The following RPGRIP1L variants were observed in gnomAD, a reference collection of about 807,000 sequenced individuals.
RPGRIP1L encodes RPGRIP1 like.
RPGRIP1L carries 131 observed loss-of-function variants against 160.4 expected under a neutral mutation model. The observed-to-expected ratio is 0.82, with a 90% CI of 0.71 to 0.94. The LOEUF (loss-of-function observed/expected upper bound fraction) is 0.94, where lower values mean the gene tolerates loss of function less well. RPGRIP1L is among the 40% of genes least tolerant of loss of function. The pLI, the probability that RPGRIP1L is intolerant of heterozygous loss-of-function variation, is 0.00. For missense variants in RPGRIP1L, 1,522 were observed against 1,535.8 expected, an observed-to-expected ratio of 0.99 and a Z score of 0.15; for synonymous variants, 510 against 515.8, an observed-to-expected ratio of 0.99 and a Z score of 0.15.
intron 24 of RPGRIP1L, among the ~76,000 whole-genome samples, chr16:53,613,653 T>C (rs752292727): frequency 2.6e-5 from 4 of 152,152 alleles, no homozygotes; most frequent in African/African-American, 9.7e-5. Flanking sequence ...ATCCTTACCA[T>C]TGAAATTGGT....
At chr16:53,676,622 G>C (rs1328534665) in intron 6 of RPGRIP1L, among the ~76,000 whole-genome samples, 1 of 151,768 alleles carries the variant, frequency 6.6e-6, no homozygotes, top group Non-Finnish European at 1.5e-5. Flanking sequence ...TTGTTTTAAA[G>C]TATGATAATT....
At chr16:53,618,030 A>G (rs570008005) in intron 24 of RPGRIP1L, among the ~76,000 whole-genome samples, 65 of 152,306 alleles carry the variant, frequency 4.3e-4, no homozygotes, top group Non-Finnish European at 7.1e-4. Context: ...TGGTAGCCTG[A>G]TATTATTTTT....
At chr16:53,675,976 C>A (rs569321114) in intron 6 of RPGRIP1L, among the ~76,000 whole-genome samples, 1 of 152,120 alleles carries the variant, frequency 6.6e-6, no homozygotes, top group Admixed American at 6.5e-5. Flanking sequence ...TTTCAGAGTT[C>A]ACTTTTAGGA....
At chr16:53,610,826 C>A in intron 25 of RPGRIP1L, 141 bp downstream of exon 25, 1 of 712,680 alleles carries the variant, frequency 1.4e-6, no homozygotes. Context: ...ACAGAGATCC[C>A]GTACTCATTC....
At chr16:53,696,439 C>T (rs774429734) in intron 2 of RPGRIP1L, 144 bp from the exon 3 acceptor site, 1 of 767,842 alleles carries the variant, frequency 1.3e-6, no homozygotes, top group East Asian at 2.6e-5. Context: ...AAATGTTGTA[C>T]CATTGTTTAC....
chr16:53,655,975 T>C (rs8055188), intron 14 of RPGRIP1L, among the ~76,000 whole-genome samples: 126,848 of 152,216 alleles, frequency 0.83, 52,945 homozygotes, highest in Admixed American at 0.86. Context: ...GGCATGGCAG[T>C]GGGCCTGAGC....
In RPGRIP1L at chr16:53,599,452, T is replaced by A. The variant is rs1963288784; in HGVS notation, c.*2624A>T. 1 of 152,220 alleles carries A rather than the reference T, an allele frequency of 6.6e-6. No individual in the cohort carries two copies. The highest frequency in any genetic ancestry group is 6.5e-5 in the Admixed American group (1 of 15,282). 9.4% of individuals were successfully genotyped at this position (152,220 alleles called of 1,614,324 possible). A position where few individuals can be genotyped will look rare whatever the true frequency, so the allele number is the denominator to read the frequency against. ...GTGGCTGGGAATTTGACATTTCTAC[T>A]ACAGTAGGCAAAAATACATGTAAAA... On this transcript the variant is annotated 3_prime_UTR_variant, in exon 27 of 27. Transcript: ENST00000647211.
At chr16:53,631,472 T>C (rs1236100942) in intron 22 of RPGRIP1L, among the ~76,000 whole-genome samples, 2 of 152,232 alleles carry the variant, frequency 1.3e-5, no homozygotes, top group South Asian at 4.1e-4. Flanking sequence ...TTCATGGCAA[T>C]ACATTTTGTT....
At chr16:53,702,557 T>C (rs534913589) in intron 1 of RPGRIP1L, among the ~76,000 whole-genome samples, 2 of 152,238 alleles carry the variant, frequency 1.3e-5, no homozygotes, top group African/African-American at 4.8e-5. Context: ...CTTGTCTTGC[T>C]CAAGGCCTTT....
intron 4 of RPGRIP1L, among the ~76,000 whole-genome samples, chr16:53,691,387 TTTAA>T (rs372514194): frequency 2.1e-3 from 324 of 152,330 alleles, no homozygotes; most frequent in African/African-American, 6.5e-3. Flanking sequence ...GTCTACACAA[TTTAA>T]TTACTTTGCA....
At chr16:53,691,964 C>T (rs764284084) in intron 4 of RPGRIP1L, 102 bp downstream of exon 4, 186 of 1,061,650 alleles carry the variant, frequency 1.8e-4, no homozygotes, top group Middle Eastern at 8.5e-4. Flanking sequence ...TTCCTAAAGA[C>T]ACTTAAAAGC....
Position 53,636,435 on chromosome 16 carries a change from T to C in RPGRIP1L, c.3294+4A>G. 4 of 1,600,136 alleles carry C rather than the reference T, an allele frequency of 2.5e-6. No individual in the cohort carries two copies. In the South Asian group the frequency reaches 4.4e-5, roughly 18 times the overall value. The stretch of plus-strand genomic sequence containing the variant: ...ACATTTCTAGTTGGCATCAAGTTAC[T>C]GACCTGTTTGATATTCTTGGAGATA... On this transcript the variant is annotated splice_donor_region_variant and intron_variant, in intron 22 of 26. Coordinates refer to ENST00000647211, the MANE Select transcript of RPGRIP1L (RefSeq NM_015272.5).
chr16:53,699,383 C>CAAAAAAAAAAAA (rs1351485923), intron 2 of RPGRIP1L, among the ~76,000 whole-genome samples: 1 of 32,020 alleles, frequency 3.1e-5, no homozygotes, highest in African/African-American at 1.6e-4. Flanking sequence ...CAAGAATGAT[C>CAAAAAAAAAAAA]AATAAAAAAA....
At chr16:53,611,101 G>C in intron 24 of RPGRIP1L, 50 bp from the exon 25 acceptor site, 1 of 1,204,270 alleles carries the variant, frequency 8.3e-7, no homozygotes, top group Non-Finnish European at 1.2e-6. Context: ...TCAGGAATAG[G>C]CTACATTAGT....
chr16:53,625,678 G>T (rs1309125831), intron 22 of RPGRIP1L, among the ~76,000 whole-genome samples: 2 of 152,220 alleles, frequency 1.3e-5, no homozygotes, highest in Non-Finnish European at 2.9e-5. Context: ...CCATGATGAG[G>T]ATGGCGGTTT....
At chr16:53,698,719 G>C (rs1971098376) in intron 2 of RPGRIP1L, among the ~76,000 whole-genome samples, 1 of 148,172 alleles carries the variant, frequency 6.7e-6, no homozygotes, top group Non-Finnish European at 1.5e-5. Context: ...AGGGAGGTGG[G>C]GGGGTCAGCA....
rs769599317 is a variant in RPGRIP1L at position 53,648,982 on chromosome 16, C to A, written c.2286G>T (p.Gly762=). 1.2e-6 allele frequency: 2 copies of A among 1,613,984 alleles called. No homozygotes were observed. The highest frequency in any genetic ancestry group is 2.2e-5 in the East Asian group (1 of 44,858). ...AGCTTACCGACTGCATATGCTCTGG[C>A]CCCTTAAAATTTGATGTTATATACC... The part of the protein sequence containing the change: ...ALGYITSNFK[G]PEHMQSLSQQ... Residue 762 remains glycine, a synonymous_variant, in exon 16 of 27, where the codon GGG becomes GGT. Transcript: ENST00000647211.
At chr16:53,677,438 A>AT (rs916988610) in intron 6 of RPGRIP1L, among the ~76,000 whole-genome samples, 3 of 151,178 alleles carry the variant, frequency 2.0e-5, no homozygotes, top group South Asian at 2.1e-4. Context: ...TTATGACTTT[A>AT]TTTTTTTTTC....
At chr16:53,671,434 T>C (rs572723930) in intron 9 of RPGRIP1L, 76 bp downstream of exon 9, 336 of 921,432 alleles carry the variant, frequency 3.6e-4, no homozygotes, top group Non-Finnish European at 3.2e-5. Context: ...ACATGATCTA[T>C]TCTGACAACA....
Sources: gnomAD v4.1 joint callset for allele counts (sites outside exome capture counted in the v4.1 genomes callset) on GRCh38, gnomAD v4.1.1 for gene constraint, MANE v1.5 for transcripts, NCBI Gene and HGNC (gene_info 2026-07-23, HGNC 2026-07-21) for gene names.